The following CDH18 variants were observed in gnomAD, a reference collection of about 807,000 sequenced individuals.
CDH18 encodes the protein cadherin-18.
CDH18 carries 31 observed loss-of-function variants against 67.9 expected under a neutral mutation model. The ratio of observed to expected loss-of-function variants is 0.46; its 90% CI spans 0.34 to 0.62. The LOEUF (loss-of-function observed/expected upper bound fraction) is 0.62, where lower values mean the gene tolerates loss of function less well. CDH18 is among the 20% of genes least tolerant of loss of function. The probability of loss-of-function intolerance (pLI) is 0.01; values close to 1 mark genes in which losing one functional copy is unlikely to be tolerated. For missense variants in CDH18, 890 were observed against 975.5 expected (o/e 0.91, Z 1.17); for synonymous variants, 362 against 347.2 (o/e 1.04, Z -0.48).
At chr5:20,238,669 C>T (rs2126535299) in intron 2 of CDH18, among the ~76,000 whole-genome samples, 1 of 152,206 alleles carries the variant, frequency 6.6e-6, no homozygotes, top group South Asian at 2.1e-4. Flanking sequence ...TATGATGTAG[C>T]TATTCCACTC....
rs1315426787 is a variant in CDH18, at chr5:19,559,648, A to T, written c.1253+11931T>A. ...TTAACACTTCTCTTCAAGTAGCAGA[A>T]GTCCTAGCCAGAGCAGTCAAACGAG... is the stretch of plus-strand genomic sequence containing the variant. On this transcript the variant is annotated intron_variant, in intron 8 of 12. Coordinates refer to ENST00000382275, the MANE Select transcript of CDH18 (RefSeq NM_004934.5). Among the ~76,000 whole-genome samples the T allele has an allele frequency of 2.6e-5, 4 of 152,052 alleles. No individual in the cohort carries two copies. In the East Asian group the frequency reaches 7.7e-4, roughly 29 times the overall value.
intron 2 of CDH18, among the ~76,000 whole-genome samples, chr5:20,223,060 G>T (rs956888549): frequency 3.8e-4 from 57 of 151,850 alleles, no homozygotes; most frequent in African/African-American, 1.3e-3. Context: ...GCTACATGTT[G>T]CATAATATTA....
At chr5:19,719,967 G>A (rs1765866421) in intron 5 of CDH18, among the ~76,000 whole-genome samples, 1 of 124,548 alleles carries the variant, frequency 8.0e-6, no homozygotes, top group African/African-American at 3.4e-5. Flanking sequence ...GAAGGAAAGA[G>A]TTAAGCAAGT....
intron 1 of CDH18, among the ~76,000 whole-genome samples, chr5:20,550,438 A>C (rs933439584): frequency 6.6e-6 from 1 of 152,250 alleles, no homozygotes; most frequent in African/African-American, 2.4e-5. Flanking sequence ...AACGAAAGTT[A>C]AAGATTTTTT....
intron 9 of CDH18, among the ~76,000 whole-genome samples, chr5:19,531,609 T>TCA (rs10552517): frequency 0.14 from 20,932 of 148,654 alleles, 1,612 homozygotes; most frequent in Non-Finnish European, 0.17. Context: ...ATGTGTGTTC[T>TCA]CACACACACA....
At chr5:19,735,096 G>T (rs1581119026) in intron 4 of CDH18, among the ~76,000 whole-genome samples, 1 of 152,208 alleles carries the variant, frequency 6.6e-6, no homozygotes, top group Non-Finnish European at 1.5e-5. Flanking sequence ...GTAAATAAAA[G>T]TATAGACAGT....
chr5:20,256,454 T>C (rs939927787), intron 1 of CDH18, among the ~76,000 whole-genome samples: 9 of 152,034 alleles, frequency 5.9e-5, no homozygotes, highest in Non-Finnish European at 1.2e-4. Flanking sequence ...TCAAATACTT[T>C]AGGAGTATGT....
At chr5:19,529,462 T>G (rs1192435915) in intron 9 of CDH18, among the ~76,000 whole-genome samples, 1 of 151,982 alleles carries the variant, frequency 6.6e-6, no homozygotes, top group Non-Finnish European at 1.5e-5. Flanking sequence ...GAACACTATC[T>G]TTAGGGTTAT....
intron 2 of CDH18, among the ~76,000 whole-genome samples, chr5:19,959,607 C>T (rs1053491625): frequency 2.0e-5 from 3 of 151,974 alleles, no homozygotes; most frequent in Non-Finnish European, 4.4e-5. Flanking sequence ...TGTTCTGTTA[C>T]TATAAATACA....
At chr5:19,554,607 G>A (rs1738060247) in intron 8 of CDH18, among the ~76,000 whole-genome samples, 3 of 150,746 alleles carry the variant, frequency 2.0e-5, no homozygotes, top group South Asian at 2.1e-4. Context: ...TAAGCTATTT[G>A]GATGTTATTC....
chr5:19,604,339 A>G (rs549414504), intron 6 of CDH18, among the ~76,000 whole-genome samples: 1 of 152,182 alleles, frequency 6.6e-6, no homozygotes, highest in South Asian at 2.1e-4. Flanking sequence ...ACTATTTTAT[A>G]GTATTTACTT....
intron 2 of CDH18, among the ~76,000 whole-genome samples, chr5:19,887,147 TTTG>T (rs903964956): frequency 3.3e-5 from 5 of 151,386 alleles, no homozygotes; most frequent in Non-Finnish European, 7.4e-5. Context: ...AATTTGTTTT[TTTG>T]TTTTTTGTTT....
chr5:20,387,603 T>C (rs1744421049), intron 1 of CDH18, among the ~76,000 whole-genome samples: 2 of 151,992 alleles, frequency 1.3e-5, no homozygotes, highest in Admixed American at 6.6e-5. Context: ...TCCAACACTA[T>C]GTTGAATAGG....
chr5:20,554,823 A>AAG (rs1476134895), intron 1 of CDH18, among the ~76,000 whole-genome samples: 2 of 152,164 alleles, frequency 1.3e-5, no homozygotes, highest in African/African-American at 4.8e-5. Flanking sequence ...GCCACCAGAT[A>AAG]AGCCACTCTA....
rs67349001 is a variant in CDH18, at chr5:20,424,745, TAAAA to T, written c.-580+150713_-580+150716del. ...CTGGGTAATAGAGCAAGACTCTGTCTAAAAAAAAAAAAAAAAAAAAAAAAAAAGG... is the reference window on the plus strand; with the variant it reads ...CTGGGTAATAGAGCAAGACTCTGTCTAAAAAAAAAAAAAAAAAAAAAAAGG... On this transcript the variant is annotated intron_variant, in intron 1 of 14. Coordinates refer to the CDH18 transcript ENST00000507958. 1.4e-4 allele frequency among the ~76,000 whole-genome samples: 6 copies of T among 42,932 alleles called. No individual in the cohort carries two copies. In the East Asian group the frequency reaches 3.2e-3, roughly 23 times the overall value. The allele number at this position is 42,932 out of a possible 152,430, so 28.2% of individuals were successfully genotyped here.
At chr5:19,870,025 T>C (rs1457236763) in intron 2 of CDH18, among the ~76,000 whole-genome samples, 1 of 152,148 alleles carries the variant, frequency 6.6e-6, no homozygotes, top group Non-Finnish European at 1.5e-5. Flanking sequence ...GCTCCAGTAT[T>C]TTAAAGGACT....
chr5:19,797,233 A>C (rs1270780003), intron 3 of CDH18, among the ~76,000 whole-genome samples: 1 of 151,946 alleles, frequency 6.6e-6, no homozygotes, highest in Non-Finnish European at 1.5e-5. Flanking sequence ...TAAAAGTAGG[A>C]ATGATTGAAT....
intron 1 of CDH18, among the ~76,000 whole-genome samples, chr5:20,272,438 G>A (rs1745505431): frequency 6.6e-6 from 1 of 151,986 alleles, no homozygotes. Context: ...TGTTGAGGGA[G>A]TAGATAAAGT....
chr5:19,508,599 T>C (rs1561227398), intron 10 of CDH18, among the ~76,000 whole-genome samples: 1 of 152,226 alleles, frequency 6.6e-6, no homozygotes, highest in African/African-American at 2.4e-5. Flanking sequence ...TTGCTATTTA[T>C]AAATAATTAC....
Sources: gnomAD v4.1 joint callset for allele counts (sites outside exome capture counted in the v4.1 genomes callset) on GRCh38, gnomAD v4.1.1 for gene constraint, MANE v1.5 for transcripts, NCBI Gene and HGNC (gene_info 2026-07-23, HGNC 2026-07-21) for gene names.